The following NIPAL2 variants were observed in gnomAD, a reference collection of about 807,000 sequenced individuals.
NIPAL2 encodes NIPA like domain containing 2.
Under a neutral mutation model 48.9 loss-of-function variants are expected in NIPAL2, and 43 were observed. The ratio of observed to expected loss-of-function variants is 0.88; its 90% CI spans 0.69 to 1.13. The LOEUF (loss-of-function observed/expected upper bound fraction) is 1.13. Among genes scored for constraint, NIPAL2 ranks in the 50% most tolerant of loss-of-function variants. The pLI is 0.00. For missense variants in NIPAL2, 446 were observed against 461.4 expected (o/e 0.97, Z 0.31); for synonymous variants, 167 against 174.6 (o/e 0.96, Z 0.34).
In NIPAL2 at chr8:98,205,388, G is replaced by A. The variant is rs1171893010; in HGVS notation, c.656-142C>T. On this transcript the variant is annotated intron_variant, in intron 6 of 10. Transcript: ENST00000430223. ...AGTTGTGAGAGGTGTAGGAAGGGAT[G>A]TGACATTAGTAAGCAGTGGCCTTGT... The A allele has an allele frequency of 8.0e-6, 6 of 747,616 alleles. No individual in the cohort carries two copies. In the South Asian group the frequency reaches 9.8e-5, roughly 12 times the overall value. The allele number at this position is 747,616 out of a possible 1,614,324, so 46.3% of individuals were successfully genotyped here.
chr8:98,215,096 C>A (rs1400819462), intron 5 of NIPAL2, among the ~76,000 whole-genome samples: 1 of 152,232 alleles, frequency 6.6e-6, no homozygotes, highest in Non-Finnish European at 1.5e-5. Flanking sequence ...AAAGCTCTTC[C>A]TGTGTTAACA....
intron 4 of NIPAL2, among the ~76,000 whole-genome samples, chr8:98,226,602 C>G (rs776471871): frequency 1.3e-5 from 2 of 152,190 alleles, no homozygotes; most frequent in Non-Finnish European, 2.9e-5. Context: ...CTCTCTCCCT[C>G]TCTTTCTCTC....
intron 3 of NIPAL2, among the ~76,000 whole-genome samples, chr8:98,238,207 A>G (rs1232870044): frequency 1.3e-5 from 2 of 152,204 alleles, no homozygotes; most frequent in Non-Finnish European, 2.9e-5. Context: ...AATAATACAA[A>G]AAGATATGCA....
rs1055522669 is a variant in NIPAL2, at chr8:98,190,290, T to C, written c.*2688A>G. The stretch of plus-strand genomic sequence containing the variant: ...AGTCTAGACCAGGTGTTGGGAACTA[T>C]AGCTCACAGACTGGCCACTTGTTTT... On this transcript the variant is annotated 3_prime_UTR_variant, in exon 11 of 11. Coordinates refer to ENST00000430223, the MANE Select transcript of NIPAL2 (RefSeq NM_001321635.2). The C allele has an allele frequency of 6.2e-6, 1 of 162,368 alleles. No homozygotes were observed. The highest frequency in any genetic ancestry group is 1.3e-5 in the Non-Finnish European group (1 of 76,090). The allele number at this position is 162,368 out of a possible 1,614,324, so 10.1% of individuals were successfully genotyped here.
intron 3 of NIPAL2, among the ~76,000 whole-genome samples, chr8:98,236,732 G>T (rs1812734285): frequency 1.3e-5 from 2 of 151,422 alleles, no homozygotes; most frequent in East Asian, 1.9e-4. Context: ...TGGGCCTGTA[G>T]TCCCAGCTAC....
At chr8:98,259,310 C>T (rs199693899) in intron 1 of NIPAL2, among the ~76,000 whole-genome samples, 1 of 151,762 alleles carries the variant, frequency 6.6e-6, no homozygotes, top group African/African-American at 2.4e-5. Context: ...CTCCTGACCT[C>T]GTGATCCGCC....
intron 8 of NIPAL2, among the ~76,000 whole-genome samples, chr8:98,199,006 G>A (rs1218781182): frequency 6.7e-6 from 1 of 149,884 alleles, no homozygotes; most frequent in African/African-American, 2.5e-5. Flanking sequence ...GCCCAGGCTG[G>A]AGTGCAATGG....
intron 6 of NIPAL2, among the ~76,000 whole-genome samples, chr8:98,211,187 C>A (rs1563490586): frequency 6.6e-6 from 1 of 151,968 alleles, no homozygotes; most frequent in Admixed American, 6.6e-5. Context: ...TATTTCTTTT[C>A]TTTTTTTTAC....
intron 3 of NIPAL2, among the ~76,000 whole-genome samples, chr8:98,244,572 C>G (rs1004544206): frequency 6.9e-4 from 37 of 53,620 alleles, no homozygotes; most frequent in Middle Eastern, 8.6e-3. Flanking sequence ...AAGGGGGGTG[C>G]GCTGTGGTGA....
intron 5 of NIPAL2, among the ~76,000 whole-genome samples, chr8:98,215,365 G>A (rs1811522823): frequency 1.3e-5 from 2 of 152,102 alleles, no homozygotes; most frequent in South Asian, 2.1e-4. Flanking sequence ...TTTTTTTCTA[G>A]CAACATTTTT....
At chr8:98,289,997 T>C (rs1300631198) in intron 1 of NIPAL2, among the ~76,000 whole-genome samples, 3 of 152,192 alleles carry the variant, frequency 2.0e-5, no homozygotes, top group Non-Finnish European at 4.4e-5. Context: ...TCGCATGGAC[T>C]CTTACCACAT....
chr8:98,244,017 C>T (rs1478538948), intron 3 of NIPAL2, among the ~76,000 whole-genome samples: 3 of 151,844 alleles, frequency 2.0e-5, no homozygotes, highest in Non-Finnish European at 4.4e-5. Flanking sequence ...TTTTTTTACC[C>T]TTTATTATCA....
chr8:98,249,150 G>A (rs1813439891), intron 3 of NIPAL2, among the ~76,000 whole-genome samples: 1 of 150,890 alleles, frequency 6.6e-6, no homozygotes. Context: ...AGTGTGCATA[G>A]GCCTGTTTTA....
intron 3 of NIPAL2, among the ~76,000 whole-genome samples, chr8:98,240,505 C>T (rs1300423305): frequency 6.6e-6 from 1 of 152,168 alleles, no homozygotes; most frequent in East Asian, 1.9e-4. Flanking sequence ...ATGTGACACC[C>T]TTTCCCTACA....
intron 1 of NIPAL2, among the ~76,000 whole-genome samples, chr8:98,290,254 G>T (rs1816423009): frequency 6.6e-6 from 1 of 152,112 alleles, no homozygotes; most frequent in African/African-American, 2.4e-5. Flanking sequence ...CTGCCAAGTT[G>T]TATCAATTTT....
At chr8:98,225,817 C>T (rs183693425) in intron 4 of NIPAL2, among the ~76,000 whole-genome samples, 1 of 152,248 alleles carries the variant, frequency 6.6e-6, no homozygotes, top group African/African-American at 2.4e-5. Flanking sequence ...CTATCTCTCC[C>T]TCTACCTCCT....
chr8:98,219,471 A>G (rs1276900298), intron 5 of NIPAL2, among the ~76,000 whole-genome samples: 4 of 152,226 alleles, frequency 2.6e-5, no homozygotes, highest in African/African-American at 9.6e-5. Flanking sequence ...CAGAGGTTCC[A>G]GAAGATGATG....
At chr8:98,236,046 C>A in intron 4 of NIPAL2, 109 bp downstream of exon 4, 1 of 742,488 alleles carries the variant, frequency 1.3e-6, no homozygotes, top group Admixed American at 2.4e-5. Flanking sequence ...GACTTACACC[C>A]ATTTCAGTAA....
chr8:98,229,893 T>C (rs1037704737), intron 4 of NIPAL2, among the ~76,000 whole-genome samples: 1 of 152,242 alleles, frequency 6.6e-6, no homozygotes, highest in African/African-American at 2.4e-5. Flanking sequence ...TTTACCTTTG[T>C]GTTATTACAC....
Sources: gnomAD v4.1 joint callset for allele counts (sites outside exome capture counted in the v4.1 genomes callset) on GRCh38, gnomAD v4.1.1 for gene constraint, MANE v1.5 for transcripts, NCBI Gene and HGNC (gene_info 2026-07-23, HGNC 2026-07-21) for gene names.